WDR81: variants seen among roughly 807,000 people sequenced by gnomAD.
WDR81 encodes the protein WD repeat-containing protein 81.
Under a neutral mutation model 140.8 loss-of-function variants are expected in WDR81, and 92 were observed. The ratio of observed to expected loss-of-function variants is 0.65; its 90% CI spans 0.55 to 0.78. WDR81 has a LOEUF of 0.78. Ranked by LOEUF, WDR81 falls within the 30% of genes least tolerant of loss-of-function variation. WDR81 has a pLI of 0.00. For synonymous variants in WDR81, 1,183 were observed against 1,156.4 expected, an observed-to-expected ratio of 1.02 and a Z score of -0.47; for missense variants, 2,502 against 2,636.4, an observed-to-expected ratio of 0.95 and a Z score of 1.12.
At position 1,736,203 on chromosome 17, in the gene WDR81, C is replaced by T. The variant is rs773719077; in HGVS notation, c.5490C>T (p.Asp1830=). 6.3e-7 allele frequency: 1 copy of T among 1,598,050 alleles called. No individual in the cohort carries two copies. The highest frequency in any genetic ancestry group is 8.5e-7 in the Non-Finnish European group (1 of 1,179,386). ...GAGGCTGGCCAGCCCACGAGGGGGA[C>T]ATTCTGCAGATCAAGGTGACGGGCC... ...VLRGWPAHEG[D]ILQIKAVEGS... is the part of the protein sequence containing the mutation. The change falls in exon 9 of 10, where the codon GAC becomes GAT. Residue 1830 remains aspartate (D), a synonymous_variant. Transcript: ENST00000409644.
Position 1,728,422 on chromosome 17 carries a change from G to A in WDR81, c.3463G>A (p.Glu1155Lys), listed in dbSNP as rs779321434. 1 of 1,612,578 alleles carries A rather than the reference G, an allele frequency of 6.2e-7. No individual in the cohort carries two copies. Among genetic ancestry groups the A allele is most frequent in the East Asian group, 2.2e-5 (1 of 44,886 alleles). Residue 1155 changes from glutamate to lysine, a missense_variant, in exon 1 of 10, where the codon GAA (glutamate) becomes AAA (lysine). Around this residue, in one of 3 missense-constraint regions of WDR81, gnomAD observed 1,737 missense variants for 1,843.0 expected, o/e 0.94. Coordinates refer to ENST00000409644, the MANE Select transcript of WDR81 (RefSeq NM_001163809.2). Reference protein sequence around the residue: ...DLKQSEGSEEEEEEEDSCVVL... With the variant: ...DLKQSEGSEEKEEEEDSCVVL... ...GAAGCAAAGCGAGGGCTCCGAGGAGGAAGAGGAGGAGGAGGACAGCTGCGT... is the reference window on the plus strand; with the variant it reads ...GAAGCAAAGCGAGGGCTCCGAGGAGAAAGAGGAGGAGGAGGACAGCTGCGT...
exon 1 of WDR81, chr17:1,716,614 C>T (rs917056245): frequency 5.2e-6 from 8 of 1,551,362 alleles, no homozygotes; most frequent in Admixed American, 3.9e-5. Flanking sequence ...CACCGTCGTT[C>T]CCAGAACCCA....
At chr17:1,723,169 T>C (rs1914965460), upstream of WDR81, among the ~76,000 whole-genome samples, 1 of 152,198 alleles carries the variant, frequency 6.6e-6, no homozygotes, top group African/African-American at 2.4e-5. Flanking sequence ...TGAGGAATCA[T>C]GTTGCTTTGG....
chr17:1,736,492 C>T (rs1015440472), intron 9 of WDR81, among the ~76,000 whole-genome samples: 13 of 152,140 alleles, frequency 8.5e-5, no homozygotes, highest in South Asian at 2.1e-4. Context: ...TTGCTCATGG[C>T]GATGTTCTAA....
chr17:1,721,012 A>G (rs2151156215), upstream of WDR81, among the ~76,000 whole-genome samples: 1 of 152,294 alleles, frequency 6.6e-6, no homozygotes, highest in East Asian at 1.9e-4. Context: ...AGACAGAAAA[A>G]GTAGTACCTG....
Position 1,726,414 on chromosome 17 carries a change from C to T in WDR81, c.1455C>T (p.Asn485=), listed in dbSNP as rs781577103. 6.5e-7 allele frequency: 1 copy of T among 1,550,356 alleles called. No homozygotes were observed. Among genetic ancestry groups the T allele is most frequent in the South Asian group, 1.2e-5 (1 of 84,066 alleles). Residue 485 remains asparagine (N), a synonymous_variant, in exon 1 of 10, where the codon AAC becomes AAT. Transcript: ENST00000409644. ...CGGCCAGCATGGAGCGGATGCAGAA[C>T]TGGACCCCGGATGAGTGCATTCCGG... ...EYPASMERMQ[N]WTPDECIPEF... is the part of the protein sequence containing the mutation.
Position 1,725,001 on chromosome 17 carries a change from C to T in WDR81, c.42C>T (p.Thr14=). The T allele has an allele frequency of 6.8e-7, 1 of 1,469,004 alleles. No individual in the cohort carries two copies. The allele number at this position is 1,469,004 out of a possible 1,614,324, so 91.0% of individuals were successfully genotyped here. A position where few individuals can be genotyped will look rare whatever the true frequency, so the allele number is the denominator to read the frequency against. ...GSGGREGALR[T]PAGGWHSPPS... ...GGGGGCGGGAAGGCGCTCTCAGAACCCCGGCCGGGGGCTGGCATTCCCCGC... is the reference window on the plus strand; with the variant it reads ...GGGGGCGGGAAGGCGCTCTCAGAACTCCGGCCGGGGGCTGGCATTCCCCGC... The change falls in exon 1 of 10, where the codon ACC becomes ACT. Residue 14 remains threonine (T), a synonymous_variant. Transcript: ENST00000409644.
chr17:1,718,953 C>T (rs768578757), intron 1 of WDR81, among the ~76,000 whole-genome samples: 20 of 152,260 alleles, frequency 1.3e-4, no homozygotes, highest in Middle Eastern at 3.4e-3. Context: ...GGAGGGCTAC[C>T]GGGTGCACAA....
chr17:1,732,194 A>G (rs1904407331), intron 4 of WDR81, 131 bp from the exon 5 acceptor site: 4 of 1,274,448 alleles, frequency 3.1e-6, no homozygotes, highest in South Asian at 1.6e-5. Flanking sequence ...CCGAGATCGC[A>G]CCACTGCACT....
At chr17:1,721,841 A>G (rs1187768423), upstream of WDR81, among the ~76,000 whole-genome samples, 1 of 145,474 alleles carries the variant, frequency 6.9e-6, no homozygotes, top group East Asian at 2.1e-4. Flanking sequence ...AAAAAAAATC[A>G]GGCCGGGCAC....
rs150907258 is a variant in WDR81, at chr17:1,728,534, C to T, written c.3575C>T (p.Thr1192Met). 19 of 1,550,006 alleles carry T rather than the reference C, an allele frequency of 1.2e-5. 1 individual carries two copies. The highest frequency in any genetic ancestry group is 5.9e-5 in the South Asian group (5 of 85,216). ...TCTGACACGGTGCTGTCCATGGAGA[C>T]GGTTGTGGCCGGCGGCAGTGGGGGA... ...TLSDTVLSMETVVAGGSGGDG... is the reference protein window; with the variant it reads ...TLSDTVLSMEMVVAGGSGGDG... Residue 1192 changes from threonine (T) to methionine (M), a missense_variant, in exon 1 of 10, where the codon ACG becomes ATG. This residue lies in a region of WDR81 where 1,737 missense variants were observed against 1,843.0 expected (regional missense o/e 0.94). Transcript: ENST00000409644.
intron 7 of WDR81, among the ~76,000 whole-genome samples, chr17:1,734,659 C>A (rs1237132140): frequency 1.3e-5 from 2 of 151,552 alleles, no homozygotes; most frequent in Non-Finnish European, 2.9e-5. Context: ...GGTGCCTGTA[C>A]TCCCAACTAC....
rs567079606 is a variant in WDR81 at position 1,729,876 on chromosome 17, C to T, written c.3668-504C>T. Among the ~76,000 whole-genome samples the T allele has an allele frequency of 6.6e-5, 10 of 151,678 alleles. No homozygotes were observed. In the East Asian group the frequency reaches 9.8e-4, roughly 15 times the overall value. On this transcript the variant is annotated intron_variant, in intron 1 of 9. Coordinates refer to ENST00000409644, the MANE Select transcript of WDR81 (RefSeq NM_001163809.2). Reference sequence around the variant, plus strand: ...ATTTGGAAGGCTGAGGCAGGAGAATCGCTTGAACCCGGAGGTTCAAGGAGG... The same window carrying T: ...ATTTGGAAGGCTGAGGCAGGAGAATTGCTTGAACCCGGAGGTTCAAGGAGG...
At position 1,727,824 on chromosome 17, in the gene WDR81, CA is replaced by C. The variant is rs1915393797; in HGVS notation, c.2870del (p.Asn957MetfsTer7). Reference sequence around the variant, plus strand: ...AGCCTGTTGCCAAGGCACTGGGCCCCAAAAATGCCAATAAGTACCTCCTGAA... The same window carrying C: ...AGCCTGTTGCCAAGGCACTGGGCCCCAAAATGCCAATAAGTACCTCCTGAA... ...FEPVAKALGP[K>X]NANKYLLKPL... On this transcript the variant is annotated frameshift_variant, in exon 1 of 10. Coordinates refer to ENST00000409644, the MANE Select transcript of WDR81 (RefSeq NM_001163809.2). LOFTEE classifies it high-confidence loss of function. 2 of 1,550,516 alleles carry C rather than the reference CA, an allele frequency of 1.3e-6. No homozygotes were observed. Among genetic ancestry groups the C allele is most frequent in the Admixed American group, 2.0e-5 (1 of 50,984 alleles).
chr17:1,732,770 G>A lies in WDR81; in HGVS notation c.4428G>A (p.Leu1476=), dbSNP rs1244354735. 6.2e-7 allele frequency: 1 copy of A among 1,613,060 alleles called. No individual in the cohort carries two copies. Among genetic ancestry groups the A allele is most frequent in the Non-Finnish European group, 8.5e-7 (1 of 1,179,998 alleles). Residue 1476 remains leucine (L), a synonymous_variant, in exon 6 of 10, where the codon CTG becomes CTA. Transcript: ENST00000409644. ...TGGACCCCGCCCTGCTGGACGAGCTGCAGAAGGTGTTCACCCTGGAGATGG... is the reference window on the plus strand; with the variant it reads ...TGGACCCCGCCCTGCTGGACGAGCTACAGAAGGTGTTCACCCTGGAGATGG... ...RPVDPALLDE[L]QKVFTLEMAY...
intron 1 of WDR81, among the ~76,000 whole-genome samples, chr17:1,717,813 AAG>A (rs1248597520): frequency 4.6e-5 from 7 of 152,126 alleles, no homozygotes; most frequent in East Asian, 1.9e-4. Context: ...TGGGCTTGGA[AAG>A]AGAGGTATTT....
rs778513741 is a variant in WDR81, at chr17:1,733,658, G to A, written c.4621G>A (p.Glu1541Lys). Reference sequence around the variant, plus strand: ...GCCCACCATGCCCGGCACCGGGCCCGAGTGGGACCCCCATGGTGGGGGCTG... The same window carrying A: ...GCCCACCATGCCCGGCACCGGGCCCAAGTGGGACCCCCATGGTGGGGGCTG... ...VEPTMPGTGP[E>K]WDPHGGGCPQ... is the part of the protein sequence containing the mutation. The change falls in exon 7 of 10, where the codon GAG becomes AAG. Residue 1541 changes from glutamate to lysine, a missense_variant. Transcript: ENST00000409644. 9.9e-6 allele frequency: 16 copies of A among 1,608,382 alleles called. No homozygotes were observed. Among genetic ancestry groups the A allele is most frequent in the East Asian group, 2.2e-5 (1 of 44,776 alleles).
At position 1,735,629 on chromosome 17, in the gene WDR81, C is replaced by A. The variant is rs759818918; in HGVS notation, c.5237C>A (p.Ala1746Asp). ...AGCCGGGTGCCCCTGACTGCGGTGG[C>A]TGTCATGCCCGCCCCCCACACCAGC... ...LDSRVPLTAV[A>D]VMPAPHTSIT... Residue 1746 changes from alanine to aspartate, a missense_variant, in exon 8 of 10, where the codon GCT becomes GAT. Physicochemically the swap from Ala to Asp is moderately radical, Grantham distance 126 (BLOSUM62 -2). Around this residue, in one of 3 missense-constraint regions of WDR81, gnomAD observed 1,737 missense variants for 1,843.0 expected, o/e 0.94. Transcript: ENST00000409644. The surrounding 1 kb of genome is among the most constrained non-coding windows in gnomAD (Gnocchi z 4.2). The A allele has an allele frequency of 1.2e-6, 2 of 1,612,928 alleles. No individual in the cohort carries two copies. Among genetic ancestry groups the A allele is most frequent in the South Asian group, 2.2e-5 (2 of 91,084 alleles).
Position 1,735,970 on chromosome 17 carries a change from G to A in WDR81, c.5326-69G>A. 1 of 1,525,826 alleles carries A rather than the reference G, an allele frequency of 6.6e-7. No individual in the cohort carries two copies. The highest frequency in any genetic ancestry group is 8.8e-7 in the Non-Finnish European group (1 of 1,140,636). The allele number at this position is 1,525,826 out of a possible 1,614,324, so 94.5% of individuals were successfully genotyped here. ...GCCTTCCTGCTGTGTGGGCTTGGGT[G>A]GTGGGCAGGGCCTTGGGGAGTGTGA... On this transcript the variant is annotated intron_variant, in intron 8 of 9. Transcript: ENST00000409644. This position sits in a 1 kb window ranked among gnomAD's most constrained non-coding sequence, Gnocchi z 4.2.
Sources: gnomAD v4.1 joint callset for allele counts (sites outside exome capture counted in the v4.1 genomes callset) on GRCh38, gnomAD v4.1.1 for gene constraint, gnomAD v4.1.1 regional missense constraint, Gnocchi (gnomAD v3.1) non-coding constraint, MANE v1.5 for transcripts, NCBI Gene and HGNC (gene_info 2026-07-23, HGNC 2026-07-21) for gene names.